The following SMCO4 variants were observed in gnomAD, a reference collection of about 807,000 sequenced individuals.
The protein encoded by SMCO4 is single-pass membrane and coiled-coil domain-containing protein 4.
Under a neutral mutation model 3.6 loss-of-function variants are expected in SMCO4, and 4 were observed. The ratio of observed to expected loss-of-function variants is 1.11; its 90% CI spans 0.54 to 2.53. The LOEUF (loss-of-function observed/expected upper bound fraction) is 2.53. Ranked by LOEUF, SMCO4 falls within the 30% of genes most tolerant of loss-of-function variation. The pLI is 0.02. For synonymous variants in SMCO4, 36 were observed against 35.3 expected (o/e 1.02, Z -0.07); for missense variants, 70 against 80.8 (o/e 0.87, Z 0.51).
At position 93,480,060 on chromosome 11, in the gene SMCO4, G is replaced by A. The variant is rs1309096120; in HGVS notation, c.-80-791C>T. Among the ~76,000 whole-genome samples the A allele has an allele frequency of 2.0e-5, 3 of 152,196 alleles. No homozygotes were observed. The East Asian group carries it at 5.8e-4, about 29-fold the overall frequency. On this transcript the variant is annotated intron_variant, in intron 2 of 2. Transcript: ENST00000298966. ...TAGAACTTTCAGGGGCCAGAAGAATGAATACAAATGTTTGGATAACTACAG... is the reference window on the plus strand; with the variant it reads ...TAGAACTTTCAGGGGCCAGAAGAATAAATACAAATGTTTGGATAACTACAG...
chr11:93,507,259 G>A (rs1385096223), intron 1 of SMCO4, among the ~76,000 whole-genome samples: 3 of 152,066 alleles, frequency 2.0e-5, no homozygotes, highest in African/African-American at 7.2e-5. Context: ...ACAAAAATAA[G>A]CGTGATGGTG....
intron 2 of SMCO4, among the ~76,000 whole-genome samples, chr11:93,484,218 A>C (rs1267090815): frequency 2.0e-5 from 3 of 152,248 alleles, no homozygotes; most frequent in Non-Finnish European, 2.9e-5. Flanking sequence ...AGAGGAGGAA[A>C]GCAGGGACGC....
chr11:93,536,788 A>G (rs1206772685), intron 1 of SMCO4, among the ~76,000 whole-genome samples: 1 of 152,158 alleles, frequency 6.6e-6, no homozygotes, highest in Admixed American at 6.5e-5. Flanking sequence ...ATGATTTCAG[A>G]AAAAAAGCAC....
chr11:93,482,452 C>T (rs1348502465), intron 2 of SMCO4, among the ~76,000 whole-genome samples: 1 of 152,218 alleles, frequency 6.6e-6, no homozygotes, highest in Non-Finnish European at 1.5e-5. Flanking sequence ...GGCTGAAGAT[C>T]TGTATTTGGA....
intron 1 of SMCO4, among the ~76,000 whole-genome samples, chr11:93,541,249 G>A (rs1330802160): frequency 6.6e-6 from 1 of 152,204 alleles, no homozygotes; most frequent in Non-Finnish European, 1.5e-5. Flanking sequence ...TTGCCCAGGG[G>A]GTCTAGGGGA....
At chr11:93,487,568 A>G (rs1238175856) in intron 2 of SMCO4, among the ~76,000 whole-genome samples, 1 of 152,222 alleles carries the variant, frequency 6.6e-6, no homozygotes, top group Non-Finnish European at 1.5e-5. Context: ...ACTACTCCCA[A>G]ATAAAAATCC....
At chr11:93,535,710 G>C (rs1487120047) in intron 1 of SMCO4, 2 of 1,613,490 alleles carry the variant, frequency 1.2e-6, no homozygotes, top group Non-Finnish European at 1.7e-6. Flanking sequence ...AGTTTCAGAT[G>C]GCTTATTCAA....
At chr11:93,479,934 T>C (rs1439190395) in intron 2 of SMCO4, among the ~76,000 whole-genome samples, 1 of 152,062 alleles carries the variant, frequency 6.6e-6, no homozygotes, top group Admixed American at 6.6e-5. Context: ...CGGGTCACAG[T>C]AATAATGAAG....
intron 1 of SMCO4, among the ~76,000 whole-genome samples, chr11:93,527,747 C>A (rs1381046193): frequency 6.6e-6 from 1 of 152,180 alleles, no homozygotes; most frequent in Non-Finnish European, 1.5e-5. Flanking sequence ...AGGCATGAGA[C>A]ACCACAACCA....
intron 2 of SMCO4, among the ~76,000 whole-genome samples, chr11:93,497,689 T>C (rs891770537): frequency 1.3e-5 from 2 of 152,200 alleles, no homozygotes; most frequent in African/African-American, 4.8e-5. Context: ...CATCAGTTCA[T>C]GATGTTATGC....
intron 1 of SMCO4, among the ~76,000 whole-genome samples, chr11:93,542,863 C>G (rs1248126634): frequency 6.6e-6 from 1 of 152,206 alleles, no homozygotes; most frequent in Admixed American, 6.5e-5. Context: ...GCGTTTCCCA[C>G]CTTCCCATAC....
At chr11:93,498,438 C>A (rs1291234931) in intron 2 of SMCO4, among the ~76,000 whole-genome samples, 1 of 152,132 alleles carries the variant, frequency 6.6e-6, no homozygotes. Flanking sequence ...GGGGCTACAA[C>A]CACAGCGAGA....
chr11:93,547,582 C>A (rs557939970), upstream of SMCO4, among the ~76,000 whole-genome samples: 2 of 152,138 alleles, frequency 1.3e-5, no homozygotes, highest in Non-Finnish European at 2.9e-5. Context: ...AAAGGGACTG[C>A]GTTTGCTTGC....
At chr11:93,489,837 C>T (rs547318404) in intron 2 of SMCO4, among the ~76,000 whole-genome samples, 2 of 151,704 alleles carry the variant, frequency 1.3e-5, no homozygotes, top group South Asian at 4.2e-4. Flanking sequence ...GATCAGAAAA[C>T]AATGCTAGAC....
At chr11:93,549,634 T>A in the SMCO4 span, among the ~76,000 whole-genome samples, 206 of 151,768 alleles carry the variant, frequency 1.4e-3, no homozygotes, top group African/African-American at 4.8e-3. Context: ...TTTTTTTTTT[T>A]TTTATGTTGA....
intron 1 of SMCO4, among the ~76,000 whole-genome samples, chr11:93,503,085 C>A (rs1033564757): frequency 6.6e-6 from 1 of 152,070 alleles, no homozygotes; most frequent in Non-Finnish European, 1.5e-5. Context: ...TGTCTAGAAC[C>A]CTGTAGAAGG....
intron 2 of SMCO4, chr11:93,481,653 C>T: frequency 1.3e-5 from 4 of 310,790 alleles, no homozygotes; most frequent in Non-Finnish European, 1.9e-5. Context: ...TTTGTAAATA[C>T]CCCATGGCTT....
chr11:93,492,723 A>G (rs1224512248), intron 2 of SMCO4, among the ~76,000 whole-genome samples: 1 of 152,202 alleles, frequency 6.6e-6, no homozygotes, highest in Non-Finnish European at 1.5e-5. Flanking sequence ...TTTAAGGGGT[A>G]GCAAGGGGCC....
rs367873725 is a variant in SMCO4, at chr11:93,504,297, C to T, written c.-153-4949G>A. On this transcript the variant is annotated intron_variant, in intron 1 of 2. Coordinates refer to ENST00000298966, the MANE Select transcript of SMCO4 (RefSeq NM_020179.3). ...ACATGTCATTCCCTAAATGACTCCACTCAACCCTTGGTCTCTTGAAAGCCT... is the reference window on the plus strand; with the variant it reads ...ACATGTCATTCCCTAAATGACTCCATTCAACCCTTGGTCTCTTGAAAGCCT... Among the ~76,000 whole-genome samples, 23 of 152,226 alleles carry T rather than the reference C, an allele frequency of 1.5e-4. 1 individual carries two copies. The highest frequency in any genetic ancestry group is 4.1e-4 in the African/African-American group (17 of 41,454).
Sources: allele counts gnomAD v4.1 joint callset (sites outside exome capture counted in the v4.1 genomes callset), GRCh38; gene constraint gnomAD v4.1.1; transcripts MANE v1.5; gene names NCBI Gene and HGNC (gene_info 2026-07-23, HGNC 2026-07-21).